CHSY3: variants seen among roughly 807,000 people sequenced by gnomAD.
CHSY3 encodes N-acetylgalactosaminyl-proteoglycan 3-beta-glucuronosyltransferase 3.
CHSY3 carries 35 observed loss-of-function variants against 67.2 expected under a neutral mutation model. The ratio of observed to expected loss-of-function variants is 0.52; its 90% CI spans 0.40 to 0.69. The LOEUF (loss-of-function observed/expected upper bound fraction) is 0.69, where lower values mean the gene tolerates loss of function less well. Among genes scored for constraint, CHSY3 ranks in the 30% least tolerant of loss-of-function variants. CHSY3 has a pLI of 0.00. For missense variants in CHSY3, 1,069 were observed against 1,138.5 expected (o/e 0.94, Z 0.88); for synonymous variants, 474 against 434.7 (o/e 1.09, Z -1.12).
chr5:130,128,030 G>T (rs771808743), intron 2 of CHSY3, among the ~76,000 whole-genome samples: 7 of 151,942 alleles, frequency 4.6e-5, no homozygotes, highest in African/African-American at 7.3e-5. Flanking sequence ...TTATATTTAT[G>T]GATATTTTAA....
chr5:130,044,005 C>T (rs1340865106), intron 2 of CHSY3, among the ~76,000 whole-genome samples: 1 of 151,922 alleles, frequency 6.6e-6, no homozygotes, highest in Non-Finnish European at 1.5e-5. Context: ...AGATATCAGG[C>T]ACACAGCCGA....
chr5:129,907,287 T>C (rs947929580), intron 1 of CHSY3, among the ~76,000 whole-genome samples: 1 of 152,174 alleles, frequency 6.6e-6, no homozygotes, highest in Non-Finnish European at 1.5e-5. Flanking sequence ...CAATAATAGC[T>C]GAAACTCATT....
At chr5:130,084,711 T>C (rs1271779020) in intron 2 of CHSY3, among the ~76,000 whole-genome samples, 31 of 151,958 alleles carry the variant, frequency 2.0e-4, no homozygotes, top group Non-Finnish European at 1.5e-5. Flanking sequence ...TAATGTCTTA[T>C]GTCTCTCTAA....
At chr5:129,945,411 A>G (rs886407386) in intron 2 of CHSY3, among the ~76,000 whole-genome samples, 3 of 152,244 alleles carry the variant, frequency 2.0e-5, no homozygotes, top group Non-Finnish European at 4.4e-5. Flanking sequence ...AAACATTGTA[A>G]TGAAATAAAT....
chr5:129,979,624 C>A (rs930137817), intron 2 of CHSY3, among the ~76,000 whole-genome samples: 2 of 152,122 alleles, frequency 1.3e-5, no homozygotes, highest in African/African-American at 2.4e-5. Flanking sequence ...TACCTAAAGT[C>A]TATAATTTAC....
chr5:130,087,401 C>G lies in CHSY3; in HGVS notation c.1087-96828C>G, dbSNP rs528670861. On this transcript the variant is annotated intron_variant, in intron 2 of 2. Transcript: ENST00000305031. ...GGCAGGAGAAGGAAATAAAGGTATT[C>G]AATTAGGAAAAGAGGAAGTCAAATT... is the stretch of plus-strand genomic sequence containing the variant. Among the ~76,000 whole-genome samples the G allele has an allele frequency of 2.0e-5, 3 of 152,152 alleles. No individual in the cohort carries two copies. The East Asian group carries it at 5.8e-4, about 30-fold the overall frequency.
chr5:130,009,460 TA>T (rs1763982648), intron 2 of CHSY3, among the ~76,000 whole-genome samples: 1 of 151,068 alleles, frequency 6.6e-6, no homozygotes, highest in African/African-American at 2.4e-5. Context: ...AAGAGGTCCT[TA>T]AAGGAGTGCT....
intron 2 of CHSY3, among the ~76,000 whole-genome samples, chr5:130,019,248 A>G (rs1186394892): frequency 6.6e-6 from 1 of 152,202 alleles, no homozygotes; most frequent in African/African-American, 2.4e-5. Flanking sequence ...CAATATGGTA[A>G]TATTATTAGA....
chr5:130,051,023 A>G (rs1765333659), intron 2 of CHSY3, among the ~76,000 whole-genome samples: 1 of 152,190 alleles, frequency 6.6e-6, no homozygotes. Context: ...TTAAATGGAA[A>G]AAAGTTAAAA....
chr5:130,128,330 T>C (rs62393187), intron 2 of CHSY3, among the ~76,000 whole-genome samples: 8,588 of 151,656 alleles, frequency 0.057, 348 homozygotes, highest in Non-Finnish European at 0.081. Context: ...AAATAATGAA[T>C]AGTATACAGC....
At chr5:129,973,401 A>G (rs1471218955) in intron 2 of CHSY3, among the ~76,000 whole-genome samples, 3 of 152,062 alleles carry the variant, frequency 2.0e-5, no homozygotes, top group African/African-American at 7.2e-5. Flanking sequence ...TATGTGTCTG[A>G]ATTATATTCT....
intron 2 of CHSY3, among the ~76,000 whole-genome samples, chr5:130,098,563 A>C (rs1377994589): frequency 6.6e-6 from 1 of 152,190 alleles, no homozygotes; most frequent in African/African-American, 2.4e-5. Context: ...AAAAATGGAT[A>C]ATAATAACGT....
chr5:130,019,464 T>C (rs1250072333), intron 2 of CHSY3, among the ~76,000 whole-genome samples: 5 of 152,180 alleles, frequency 3.3e-5, no homozygotes, highest in Non-Finnish European at 7.3e-5. Context: ...GTTGATCTTA[T>C]ATCCTTAATA....
chr5:130,028,203 G>T (rs1580664311), intron 2 of CHSY3, among the ~76,000 whole-genome samples: 1 of 152,030 alleles, frequency 6.6e-6, no homozygotes, highest in Non-Finnish European at 1.5e-5. Flanking sequence ...AGCCCTCATT[G>T]CCAAGACAAT....
intron 2 of CHSY3, chr5:129,974,783 T>C (rs1762748817): frequency 6.6e-6 from 1 of 152,188 alleles, no homozygotes; most frequent in Non-Finnish European, 1.5e-5. Flanking sequence ...AGAATGTCTG[T>C]TTTTTATCTG....
chr5:129,963,984 G>T (rs1233862689), intron 2 of CHSY3, among the ~76,000 whole-genome samples: 1 of 151,894 alleles, frequency 6.6e-6, no homozygotes, highest in East Asian at 1.9e-4. Flanking sequence ...CTGAATCATG[G>T]TAGTGCTCAC....
At chr5:129,935,637 T>G (rs1012165095) in intron 2 of CHSY3, among the ~76,000 whole-genome samples, 1 of 152,172 alleles carries the variant, frequency 6.6e-6, no homozygotes, top group Admixed American at 6.6e-5. Flanking sequence ...ACCCCAAAAT[T>G]GTTCCACTTA....
chr5:130,066,771 A>C (rs1765897580), intron 2 of CHSY3, among the ~76,000 whole-genome samples: 2 of 152,110 alleles, frequency 1.3e-5, no homozygotes, highest in Non-Finnish European at 2.9e-5. Flanking sequence ...GAAAAGGCGT[A>C]AGCTGCAGGA....
At chr5:129,926,654 T>A (rs1025276980) in intron 2 of CHSY3, among the ~76,000 whole-genome samples, 5 of 151,878 alleles carry the variant, frequency 3.3e-5, no homozygotes, top group Non-Finnish European at 5.9e-5. Context: ...TTGTGGTAAA[T>A]CAAATTTTAG....
Sources: gnomAD v4.1 joint callset for allele counts (sites outside exome capture counted in the v4.1 genomes callset) on GRCh38, gnomAD v4.1.1 for gene constraint, MANE v1.5 for transcripts, NCBI Gene and HGNC (gene_info 2026-07-23, HGNC 2026-07-21) for gene names.